STXBP4: variants seen among roughly 807,000 people sequenced by gnomAD.
STXBP4 encodes syntaxin binding protein 4.
STXBP4 carries 55 observed loss-of-function variants against 76.1 expected under a neutral mutation model. That is an observed-to-expected ratio of 0.72 (90% confidence interval 0.58 to 0.91). STXBP4 has a LOEUF of 0.91. Among genes scored for constraint, STXBP4 ranks in the 40% least tolerant of loss-of-function variants. The probability of loss-of-function intolerance (pLI) is 0.00; values close to 1 mark genes in which losing one functional copy is unlikely to be tolerated. For missense variants in STXBP4, 618 were observed against 636.9 expected (o/e 0.97, Z 0.32); for synonymous variants, 201 against 220.2 (o/e 0.91, Z 0.77).
chr17:55,027,293 G>A (rs1056582855), intron 8 of STXBP4, among the ~76,000 whole-genome samples: 1 of 152,126 alleles, frequency 6.6e-6, no homozygotes, highest in African/African-American at 2.4e-5. Flanking sequence ...CTTAACACAA[G>A]GGACAGAAAC....
rs188435935 is a variant in STXBP4 at position 54,969,924 on chromosome 17, C to T, written c.-157+1109C>T. ...AGGGAATTTCAGATAACAATCAGTG[C>T]AGTGAAGACAATGTAATAACATAGT... On this transcript the variant is annotated intron_variant, in intron 1 of 17. Transcript: ENST00000376352. Among the ~76,000 whole-genome samples the T allele has an allele frequency of 1.9e-4, 29 of 152,200 alleles. No homozygotes were observed. In the East Asian group the frequency reaches 5.6e-3, roughly 29 times the overall value.
At chr17:55,077,036 T>C (rs1037012898) in intron 13 of STXBP4, among the ~76,000 whole-genome samples, 1 of 152,224 alleles carries the variant, frequency 6.6e-6, no homozygotes, top group Non-Finnish European at 1.5e-5. Context: ...TATTATACTT[T>C]CAATTCCCTC....
At chr17:55,099,581 G>A (rs1194168750) in intron 16 of STXBP4, among the ~76,000 whole-genome samples, 1 of 152,134 alleles carries the variant, frequency 6.6e-6, no homozygotes, top group African/African-American at 2.4e-5. Context: ...TTATCCTATG[G>A]GATCACTGCT....
At chr17:54,986,340 G>GT (rs1348794092) in intron 3 of STXBP4, 74 bp downstream of exon 3, 3 of 1,195,100 alleles carry the variant, frequency 2.5e-6, no homozygotes, top group Non-Finnish European at 1.2e-6. Context: ...TTGATTAAAA[G>GT]TTTTTTTACA....
rs1279207020 is a variant in STXBP4 at position 55,112,919 on chromosome 17, A to G, written c.1490-28391A>G. ...GAAGGAGTGATAAATGCTGATAACA[A>G]GGGGACAACATGTGAAAAAAGGATT... is the stretch of plus-strand genomic sequence containing the variant. On this transcript the variant is annotated intron_variant, in intron 16 of 17. Coordinates refer to ENST00000376352, the MANE Select transcript of STXBP4 (RefSeq NM_178509.6). 2.0e-5 allele frequency among the ~76,000 whole-genome samples: 3 copies of G among 152,158 alleles called. No homozygotes were observed. The South Asian group carries it at 6.2e-4, about 32-fold the overall frequency.
the STXBP4 span, among the ~76,000 whole-genome samples, chr17:55,209,986 G>C: frequency 6.6e-6 from 1 of 152,204 alleles, no homozygotes; most frequent in East Asian, 1.9e-4. Flanking sequence ...ATGCGTCTAT[G>C]TGAGCATGTT....
rs527955647 is a variant in STXBP4, at chr17:54,984,714, A to G, written c.-156-900A>G. On this transcript the variant is annotated intron_variant, in intron 1 of 17. Coordinates refer to ENST00000376352, the MANE Select transcript of STXBP4 (RefSeq NM_178509.6). ...CTAGGCCAGAATTTTGTTGTGAATCAGTTGCTGATGTGCTGATATATTGAT... is the reference window on the plus strand; with the variant it reads ...CTAGGCCAGAATTTTGTTGTGAATCGGTTGCTGATGTGCTGATATATTGAT... 4.6e-5 allele frequency among the ~76,000 whole-genome samples: 7 copies of G among 152,268 alleles called. No homozygotes were observed. In the South Asian group the frequency reaches 1.4e-3, roughly 32 times the overall value.
At chr17:54,974,563 C>G in intron 1 of STXBP4, among the ~76,000 whole-genome samples, 1 of 152,192 alleles carries the variant, frequency 6.6e-6, no homozygotes, top group East Asian at 1.9e-4. Context: ...AGATCAGGGC[C>G]AGCTTCATGA....
At chr17:54,972,161 G>A (rs889554056) in intron 1 of STXBP4, among the ~76,000 whole-genome samples, 2 of 152,184 alleles carry the variant, frequency 1.3e-5, no homozygotes, top group African/African-American at 4.8e-5. Flanking sequence ...AGGTTTCTCT[G>A]TTACAAGGTG....
intron 16 of STXBP4, among the ~76,000 whole-genome samples, chr17:55,128,638 A>G (rs1014382611): frequency 2.6e-4 from 39 of 152,156 alleles, no homozygotes; most frequent in Admixed American, 9.2e-4. Context: ...GTTTGTTTTG[A>G]GGAGTCTCGC....
chr17:55,159,291 G>A (rs924498867), intron 17 of STXBP4, among the ~76,000 whole-genome samples: 4 of 151,944 alleles, frequency 2.6e-5, no homozygotes, highest in Non-Finnish European at 5.9e-5. Flanking sequence ...TTAAAAAGCA[G>A]GTATTGTTGA....
intron 10 of STXBP4, among the ~76,000 whole-genome samples, chr17:55,039,882 C>G (rs1466870224): frequency 6.6e-6 from 1 of 152,044 alleles, no homozygotes; most frequent in Non-Finnish European, 1.5e-5. Context: ...ATTTAAGAAG[C>G]TGGCAAGTAC....
chr17:55,092,512 T>C (rs963240564), intron 16 of STXBP4, among the ~76,000 whole-genome samples: 1 of 152,202 alleles, frequency 6.6e-6, no homozygotes, highest in Non-Finnish European at 1.5e-5. Context: ...TGTTCAACTT[T>C]TACAGGTTGA....
rs1398438164 is a variant in STXBP4, at chr17:55,053,615, TATTTCCA to T, written c.1011+6463_1011+6469del. ...TGCAGCTCAACTGAATATTTGAAATTATTTCCAAAGTCAAGTTTTTTTAAAGTCCTCT... is the reference window on the plus strand; with the variant it reads ...TGCAGCTCAACTGAATATTTGAAATTAAGTCAAGTTTTTTTAAAGTCCTCT... On this transcript the variant is annotated intron_variant, in intron 12 of 17. Transcript: ENST00000376352. Among the ~76,000 whole-genome samples, 3 of 152,160 alleles carry T rather than the reference TATTTCCA, an allele frequency of 2.0e-5. No homozygotes were observed. In the East Asian group the frequency reaches 5.8e-4, roughly 29 times the overall value.
intron 16 of STXBP4, among the ~76,000 whole-genome samples, chr17:55,130,056 C>T (rs568430661): frequency 6.6e-6 from 1 of 152,202 alleles, no homozygotes; most frequent in East Asian, 1.9e-4. Flanking sequence ...CAAGGAATGC[C>T]AGCTACTTCT....
At chr17:54,970,369 G>C (rs1298612593) in intron 1 of STXBP4, among the ~76,000 whole-genome samples, 1 of 152,184 alleles carries the variant, frequency 6.6e-6, no homozygotes, top group Non-Finnish European at 1.5e-5. Flanking sequence ...AGAACAATTA[G>C]GAAGCAATTG....
chr17:55,184,896 G>A, the STXBP4 span, among the ~76,000 whole-genome samples: 8 of 152,238 alleles, frequency 5.3e-5, no homozygotes, highest in Admixed American at 5.2e-4. Context: ...TTGTTGAGAT[G>A]GGGTCTCGCT....
intron 10 of STXBP4, among the ~76,000 whole-genome samples, chr17:55,037,053 AC>A (rs1282439049): frequency 2.0e-5 from 3 of 152,126 alleles, no homozygotes; most frequent in Admixed American, 2.0e-4. Context: ...CATTGCAATC[AC>A]CCACAGATCT....
At chr17:55,191,876 G>C in the STXBP4 span, among the ~76,000 whole-genome samples, 1 of 152,094 alleles carries the variant, frequency 6.6e-6, no homozygotes, top group Admixed American at 6.6e-5. Context: ...AAAAATCCCA[G>C]GCCCCCTGTA....
Sources: gnomAD v4.1 joint callset for allele counts (sites outside exome capture counted in the v4.1 genomes callset) on GRCh38, gnomAD v4.1.1 for gene constraint, MANE v1.5 for transcripts, NCBI Gene and HGNC (gene_info 2026-07-23, HGNC 2026-07-21) for gene names.